TENT2: variants seen among roughly 807,000 people sequenced by gnomAD.
TENT2 encodes poly(A) RNA polymerase GLD2.
A neutral mutation model predicts 72.2 loss-of-function variants in TENT2; 44 were observed. The ratio of observed to expected loss-of-function variants is 0.61; its 90% confidence interval spans 0.48 to 0.78. TENT2 has a LOEUF of 0.78. Ranked by LOEUF, TENT2 falls within the 30% of genes least tolerant of loss-of-function variation. TENT2 has a pLI of 0.00. For synonymous variants in TENT2, 212 were observed against 192.5 expected, an observed-to-expected ratio of 1.10 and a Z score of -0.84; for missense variants, 541 against 569.6, an observed-to-expected ratio of 0.95 and a Z score of 0.51.
In TENT2 at chr5:79,623,233, G is replaced by A. The variant is rs1561459906; in HGVS notation, c.228-19G>A. 1 of 1,555,556 alleles carries A rather than the reference G, an allele frequency of 6.4e-7. No individual in the cohort carries two copies. Among genetic ancestry groups the A allele is most frequent in the African/African-American group, 1.4e-5 (1 of 72,878 alleles). ...GAAAGTTGTATCTTTAATTACTAAG[G>A]TATATTGCTTGTTTTCAGGAGATTA... On this transcript the variant is annotated intron_variant, in intron 3 of 14. Transcript: ENST00000453514.
rs1051335343 is a variant in TENT2 at position 79,678,383 on chromosome 5, A to G, written c.1209-1196A>G. Among the ~76,000 whole-genome samples, 3 of 152,268 alleles carry G rather than the reference A, an allele frequency of 2.0e-5. No individual in the cohort carries two copies. The East Asian group carries it at 5.8e-4, about 29-fold the overall frequency. On this transcript the variant is annotated intron_variant, in intron 12 of 14. Coordinates refer to ENST00000453514, the MANE Select transcript of TENT2 (RefSeq NM_001114394.3). ...TAAGTGTTGGAAGGTCCCAAGTGAT[A>G]GTCTTTCTCTGCTTGCTTAAATGGT...
At chr5:79,649,239 T>G (rs968524785) in intron 10 of TENT2, 49 bp downstream of exon 10, 12 of 1,539,772 alleles carry the variant, frequency 7.8e-6, no homozygotes, top group African/African-American at 1.4e-5. Flanking sequence ...AAGACAGCTT[T>G]ATTATGGTGT....
intron 9 of TENT2, 59 bp from the exon 10 acceptor site, chr5:79,649,003 T>C: frequency 6.4e-7 from 1 of 1,553,324 alleles, no homozygotes; most frequent in Non-Finnish European, 8.8e-7. Flanking sequence ...GGAAATGATG[T>C]AAACTTTCAA....
chr5:79,644,050 C>T (rs1470095515), intron 7 of TENT2, among the ~76,000 whole-genome samples: 1 of 150,946 alleles, frequency 6.6e-6, no homozygotes, highest in Non-Finnish European at 1.5e-5. Flanking sequence ...AGCATGATCA[C>T]AGGTCACTGC....
chr5:79,671,846 T>C (rs548147598), intron 12 of TENT2, among the ~76,000 whole-genome samples: 21 of 152,190 alleles, frequency 1.4e-4, no homozygotes, highest in Non-Finnish European at 2.8e-4. Flanking sequence ...CTCATGTCTG[T>C]AATCCCAGCA....
intron 4 of TENT2, among the ~76,000 whole-genome samples, chr5:79,628,627 G>A (rs955405876): frequency 1.3e-5 from 2 of 152,192 alleles, no homozygotes; most frequent in Non-Finnish European, 2.9e-5. Context: ...TCAGTGATTT[G>A]ATACTGGGTT....
intron 11 of TENT2, among the ~76,000 whole-genome samples, chr5:79,661,656 C>CA (rs1320996461): frequency 2.0e-5 from 3 of 152,138 alleles, no homozygotes; most frequent in Non-Finnish European, 2.9e-5. Context: ...TTTATTGCTA[C>CA]AAAATGCTAA....
intron 11 of TENT2, among the ~76,000 whole-genome samples, chr5:79,659,564 A>AG (rs1800931673): frequency 9.5e-5 from 7 of 73,792 alleles, no homozygotes; most frequent in African/African-American, 6.6e-4. Flanking sequence ...ATGTATATAT[A>AG]TATATATATA....
intron 11 of TENT2, among the ~76,000 whole-genome samples, chr5:79,659,553 A>ATGTGTAT (rs1311221056): frequency 3.7e-5 from 1 of 26,858 alleles, no homozygotes; most frequent in South Asian, 1.3e-3. Flanking sequence ...AAAAAAAAAA[A>ATGTGTAT]ATGTATATAT....
At chr5:79,658,758 C>A (rs55784250) in intron 11 of TENT2, among the ~76,000 whole-genome samples, 3 of 151,946 alleles carry the variant, frequency 2.0e-5, no homozygotes, top group Non-Finnish European at 4.4e-5. Context: ...AGGAGACTGG[C>A]GAAATATCAG....
chr5:79,663,958 C>T (rs1259235006), intron 11 of TENT2, among the ~76,000 whole-genome samples: 2 of 151,808 alleles, frequency 1.3e-5, no homozygotes, highest in East Asian at 1.9e-4. Flanking sequence ...TAGATTCAAC[C>T]GACTACACAT....
Position 79,621,197 on chromosome 5 carries a change from C to T in TENT2, c.227+1114C>T, listed in dbSNP as rs535420270. Among the ~76,000 whole-genome samples, 196 of 152,068 alleles carry T rather than the reference C, an allele frequency of 1.3e-3. 1 individual carries two copies. Among genetic ancestry groups the T allele is most frequent in the African/African-American group, 4.6e-3 (189 of 41,486 alleles). On this transcript the variant is annotated intron_variant, in intron 3 of 14. Transcript: ENST00000453514. ...TACAACTAACGGTTTGATTAAATCA[C>T]GTAACACTGAGGTAGATACTATTAT...
At chr5:79,676,393 C>T (rs1817363050) in intron 12 of TENT2, among the ~76,000 whole-genome samples, 1 of 152,024 alleles carries the variant, frequency 6.6e-6, no homozygotes, top group Non-Finnish European at 1.5e-5. Flanking sequence ...TGAGACCAGC[C>T]TGGCCAAATA....
intron 4 of TENT2, among the ~76,000 whole-genome samples, chr5:79,628,002 T>G (rs745696172): frequency 6.6e-6 from 1 of 152,240 alleles, no homozygotes; most frequent in Admixed American, 6.5e-5. Context: ...CTCAGAAAGC[T>G]AAATAACTTG....
chr5:79,659,553 A>AAATAT (rs1554086793), intron 11 of TENT2, among the ~76,000 whole-genome samples: 3 of 26,856 alleles, frequency 1.1e-4, no homozygotes, highest in Non-Finnish European at 1.7e-4. Flanking sequence ...AAAAAAAAAA[A>AAATAT]ATGTATATAT....
At chr5:79,622,269 T>C (rs1765706842) in intron 3 of TENT2, among the ~76,000 whole-genome samples, 1 of 152,036 alleles carries the variant, frequency 6.6e-6, no homozygotes, top group Non-Finnish European at 1.5e-5. Context: ...GCCACTGCAC[T>C]CTAGCCCGGC....
chr5:79,660,322 A>C (rs898522473), intron 11 of TENT2, among the ~76,000 whole-genome samples: 9 of 152,142 alleles, frequency 5.9e-5, no homozygotes, highest in African/African-American at 2.2e-4. Context: ...GAGAAAGTTA[A>C]ATATATAAAC....
In TENT2 at chr5:79,637,880, C is replaced by T. The variant is rs183945021; in HGVS notation, c.466-2971C>T. ...TGGCATGATCTCAGCTCACTGCAAC[C>T]TCTGCCTTCCGGGTTCAGGTGATTC... On this transcript the variant is annotated intron_variant, in intron 4 of 14. Transcript: ENST00000453514. Among the ~76,000 whole-genome samples the T allele has an allele frequency of 7.3e-5, 11 of 151,598 alleles. No individual in the cohort carries two copies. The East Asian group carries it at 2.1e-3, about 29-fold the overall frequency.
chr5:79,619,646 A>AG lies in TENT2; in HGVS notation c.-2dup. The AG allele has an allele frequency of 6.2e-7, 1 of 1,609,328 alleles. No individual in the cohort carries two copies. The highest frequency in any genetic ancestry group is 8.5e-7 in the Non-Finnish European group (1 of 1,175,750). On this transcript the variant is annotated 5_prime_UTR_variant, in exon 2 of 15. Coordinates refer to ENST00000453514, the MANE Select transcript of TENT2 (RefSeq NM_001114394.3). ...TACATGTTCACTTCCAGTGAACAAG[A>AG]GCATGTTCCCAAACTCAATTTTGGG... is the stretch of plus-strand genomic sequence containing the variant.
Sources: allele counts gnomAD v4.1 joint callset (sites outside exome capture counted in the v4.1 genomes callset), GRCh38; gene constraint gnomAD v4.1.1; transcripts MANE v1.5; gene names NCBI Gene and HGNC (gene_info 2026-07-23, HGNC 2026-07-21).